Variants in RNF115 observed in about 807,000 individuals in gnomAD.
RNF115 encodes the protein ring finger protein 115.
Under a neutral mutation model 39.2 loss-of-function variants are expected in RNF115, and 31 were observed. The ratio of observed to expected loss-of-function variants is 0.79; its 90% CI spans 0.59 to 1.07. RNF115 has a LOEUF of 1.07. Ranked by LOEUF, RNF115 falls within the 50% of genes least tolerant of loss-of-function variation. The pLI, the probability that RNF115 is intolerant of heterozygous loss-of-function variation, is 0.00. For synonymous variants in RNF115, 124 were observed against 131.0 expected, an observed-to-expected ratio of 0.95 and a Z score of 0.37; for missense variants, 384 against 381.7, an observed-to-expected ratio of 1.01 and a Z score of -0.05.
At chr1:145,813,463 T>C (rs1163167153) in intron 1 of RNF115, among the ~76,000 whole-genome samples, 3 of 152,114 alleles carry the variant, frequency 2.0e-5, no homozygotes, top group African/African-American at 4.8e-5. Context: ...CTAAATTACA[T>C]GCAGTGTTTC....
chr1:145,820,307 A>T (rs1180413375), intron 1 of RNF115, among the ~76,000 whole-genome samples: 1 of 151,978 alleles, frequency 6.6e-6, no homozygotes, highest in East Asian at 1.9e-4. Flanking sequence ...TCTACAAAAA[A>T]GAAAAAAAAA....
chr1:145,818,149 C>T (rs1450432308), intron 1 of RNF115, among the ~76,000 whole-genome samples: 2 of 151,812 alleles, frequency 1.3e-5, no homozygotes, highest in Non-Finnish European at 2.9e-5. Context: ...ATGGTAGTTC[C>T]GTTTTAAGTT....
chr1:145,754,799 TTC>T (rs1404436396), intron 4 of RNF115, among the ~76,000 whole-genome samples: 1 of 152,242 alleles, frequency 6.6e-6, no homozygotes, highest in Non-Finnish European at 1.5e-5. Flanking sequence ...TCATTGTGTT[TTC>T]TTTTTTTTAG....
Position 145,823,844 on chromosome 1 carries a change from G to A in RNF115, c.30C>T (p.Asp10=). Residue 10 remains aspartate, a synonymous_variant, in exon 1 of 9, where the codon GAC becomes GAT. Transcript: ENST00000582693. Reference sequence around the variant, plus strand: ...GGTGGGCGGCTACAGCGGCGCCCGAGTCCGCCCCGGCCGCCGAAGCCTCCG... The same window carrying A: ...GGTGGGCGGCTACAGCGGCGCCCGAATCCGCCCCGGCCGCCGAAGCCTCCG... MAEASAAGA[D]SGAAVAAHRF... 1 of 1,570,354 alleles carries A rather than the reference G, an allele frequency of 6.4e-7. No homozygotes were observed. Among genetic ancestry groups the A allele is most frequent in the South Asian group, 1.2e-5 (1 of 86,312 alleles).
At chr1:145,752,734 C>T (rs1478122804) in intron 5 of RNF115, among the ~76,000 whole-genome samples, 1 of 151,862 alleles carries the variant, frequency 6.6e-6, no homozygotes, top group African/African-American at 2.4e-5. Context: ...ACTACAGAAG[C>T]ATGCCACCAC....
intron 1 of RNF115, among the ~76,000 whole-genome samples, chr1:145,823,383 G>A (rs1332890112): frequency 7.1e-6 from 1 of 141,572 alleles, no homozygotes; most frequent in Non-Finnish European, 1.5e-5. Flanking sequence ...AAGTGGAAAA[G>A]AACACAGAGG....
rs782290245 is a variant in RNF115, at chr1:145,789,346, C to T, written c.103-380G>A. Among the ~76,000 whole-genome samples, 17 of 152,264 alleles carry T rather than the reference C, an allele frequency of 1.1e-4. 1 individual carries two copies. Among genetic ancestry groups the T allele is most frequent in the African/African-American group, 3.8e-4 (16 of 41,568 alleles). ...AAACTCCTGAACTGAAGTGATCTTCCTGCCTCAGCCTCCCAAAGTGCTGGA... is the reference window on the plus strand; with the variant it reads ...AAACTCCTGAACTGAAGTGATCTTCTTGCCTCAGCCTCCCAAAGTGCTGGA... On this transcript the variant is annotated intron_variant, in intron 1 of 8. Transcript: ENST00000582693.
rs1006609134 is a variant in RNF115, at chr1:145,739,616, G to A, written c.*7250C>T. The stretch of plus-strand genomic sequence containing the variant: ...TTTTTTTGAGACGGAGTCTCACTCT[G>A]TTGCCCAGGCTGGAGTGCAGTGGCA... On this transcript the variant is annotated 3_prime_UTR_variant, in exon 9 of 9. Transcript: ENST00000582693. The A allele has an allele frequency of 1.4e-5, 2 of 145,292 alleles. No individual in the cohort carries two copies. The highest frequency in any genetic ancestry group is 1.4e-4 in the Admixed American group (2 of 14,212). 9.0% of individuals were successfully genotyped at this position (145,292 alleles called of 1,614,324 possible).
intron 3 of RNF115, among the ~76,000 whole-genome samples, chr1:145,775,999 AAAAAAT>A (rs56326028): frequency 0.044 from 6,632 of 151,400 alleles, 523 homozygotes; most frequent in African/African-American, 0.15. Flanking sequence ...CCCTGTCTCA[AAAAAAT>A]AAAAATAAAA....
chr1:145,794,616 C>G (rs1363236813), intron 1 of RNF115, among the ~76,000 whole-genome samples: 2 of 148,060 alleles, frequency 1.4e-5, no homozygotes, highest in African/African-American at 5.0e-5. Context: ...TCACATGGTC[C>G]CAGTCACGGT....
At chr1:145,811,500 C>CA (rs780538050) in intron 1 of RNF115, among the ~76,000 whole-genome samples, 1 of 138,712 alleles carries the variant, frequency 7.2e-6, no homozygotes, top group Admixed American at 7.4e-5. Flanking sequence ...GCAGTCTACT[C>CA]AGGTAGCTGT....
intron 1 of RNF115, among the ~76,000 whole-genome samples, chr1:145,804,503 AC>A (rs1649383739): frequency 3.0e-4 from 2 of 6,602 alleles, no homozygotes; most frequent in Non-Finnish European, 5.4e-4. Flanking sequence ...ATGCATGCAC[AC>A]ACACACACAC....
At chr1:145,771,315 A>G (rs1311189503) in intron 4 of RNF115, among the ~76,000 whole-genome samples, 1 of 152,172 alleles carries the variant, frequency 6.6e-6, no homozygotes. Context: ...GCCTTCCAAC[A>G]TGGAATGACA....
chr1:145,750,473 G>C lies in RNF115; in HGVS notation c.601C>G (p.Pro201Ala), dbSNP rs1355644172. ...QLLGQLENTG[P>A]PPADKEKITS... is the part of the protein sequence containing the mutation. Reference sequence around the variant, plus strand: ...ATCTTTTCCTTGTCAGCTGGGGGAGGGCCTGTGTTTTCCAGTTGTCCTAAA... The same window carrying C: ...ATCTTTTCCTTGTCAGCTGGGGGAGCGCCTGTGTTTTCCAGTTGTCCTAAA... Residue 201 changes from proline (P) to alanine (A), a missense_variant, in exon 7 of 9, where the codon CCT becomes GCT. By Grantham distance (27) the Pro-to-Ala change is conservative. Transcript: ENST00000582693. 6.2e-7 allele frequency: 1 copy of C among 1,613,784 alleles called. No individual in the cohort carries two copies. The highest frequency in any genetic ancestry group is 1.3e-5 in the African/African-American group (1 of 74,842).
At chr1:145,790,794 C>T (rs186266935) in intron 1 of RNF115, among the ~76,000 whole-genome samples, 9 of 152,156 alleles carry the variant, frequency 5.9e-5, no homozygotes, top group Admixed American at 5.9e-4. Flanking sequence ...AAAAAAGCTC[C>T]ACTATATACA....
chr1:145,805,312 A>T (rs1414042784), intron 1 of RNF115, among the ~76,000 whole-genome samples: 1 of 152,204 alleles, frequency 6.6e-6, no homozygotes, highest in African/African-American at 2.4e-5. Context: ...TTAAGAAAAC[A>T]ATTAATTAAC....
At chr1:145,749,563 C>T (rs148864347) in intron 7 of RNF115, among the ~76,000 whole-genome samples, 1 of 152,304 alleles carries the variant, frequency 6.6e-6, no homozygotes, top group East Asian at 1.9e-4. Flanking sequence ...GACTCTTTCC[C>T]CTTCTTCATC....
intron 3 of RNF115, among the ~76,000 whole-genome samples, chr1:145,778,268 T>C (rs1553716811): frequency 6.6e-6 from 1 of 152,152 alleles, no homozygotes; most frequent in African/African-American, 2.4e-5. Flanking sequence ...ATAACAAATA[T>C]CCTATATAGG....
At chr1:145,821,486 A>G in intron 1 of RNF115, among the ~76,000 whole-genome samples, 1 of 76,012 alleles carries the variant, frequency 1.3e-5, no homozygotes, top group Non-Finnish European at 3.0e-5. Flanking sequence ...TTTTTTTGAG[A>G]CAGGGTCTGG....
Sources: allele counts gnomAD v4.1 joint callset (sites outside exome capture counted in the v4.1 genomes callset), GRCh38; gene constraint gnomAD v4.1.1; transcripts MANE v1.5; gene names NCBI Gene and HGNC (gene_info 2026-07-23, HGNC 2026-07-21).